Variants in ZBTB7C observed in about 807,000 individuals in gnomAD.
ZBTB7C encodes the protein zinc finger and BTB domain-containing protein 7C.
A neutral mutation model predicts 25.7 loss-of-function variants in ZBTB7C; 8 were observed. That is an observed-to-expected ratio of 0.31 (90% CI 0.18 to 0.56). The LOEUF is 0.56. Ranked by LOEUF, ZBTB7C falls within the 20% of genes least tolerant of loss-of-function variation. ZBTB7C has a pLI of 0.91. For synonymous variants in ZBTB7C, 394 were observed against 369.0 expected (o/e 1.07, Z -0.78); for missense variants, 824 against 855.2 (o/e 0.96, Z 0.46).
chr18:48,111,303 G>A (rs1043987935), intron 3 of ZBTB7C, among the ~76,000 whole-genome samples: 1 of 152,170 alleles, frequency 6.6e-6, no homozygotes, highest in African/African-American at 2.4e-5. Context: ...AATAAGAAAA[G>A]GAATGCTTGG....
intron 1 of ZBTB7C, among the ~76,000 whole-genome samples, chr18:48,358,121 C>T (rs1231429073): frequency 1.3e-5 from 2 of 152,128 alleles, no homozygotes; most frequent in African/African-American, 4.8e-5. Flanking sequence ...GAGGCCGAGG[C>T]GGGTGGATCA....
chr18:48,113,296 T>A (rs913797951), intron 3 of ZBTB7C, among the ~76,000 whole-genome samples: 9 of 152,364 alleles, frequency 5.9e-5, no homozygotes, highest in African/African-American at 1.9e-4. Context: ...TCTGTCTTTC[T>A]TGTATGGTTA....
intron 2 of ZBTB7C, among the ~76,000 whole-genome samples, chr18:48,277,665 G>A (rs1002375876): frequency 3.3e-5 from 5 of 152,232 alleles, no homozygotes; most frequent in African/African-American, 1.2e-4. Context: ...ACACCAAAAT[G>A]TGGGAAACGG....
intron 3 of ZBTB7C, among the ~76,000 whole-genome samples, chr18:48,085,210 T>C (rs1745318845): frequency 6.6e-6 from 1 of 152,052 alleles, no homozygotes; most frequent in Non-Finnish European, 1.5e-5. Context: ...CAAGGGGCCT[T>C]AGGCTCTGTC....
intron 1 of ZBTB7C, among the ~76,000 whole-genome samples, chr18:48,381,426 A>G (rs1445441390): frequency 1.3e-5 from 2 of 152,230 alleles, no homozygotes; most frequent in Non-Finnish European, 2.9e-5. Flanking sequence ...CAGAGGTTGA[A>G]GTAGTAATAA....
intron 1 of ZBTB7C, among the ~76,000 whole-genome samples, chr18:48,349,064 G>A (rs2046804885): frequency 6.6e-6 from 1 of 152,172 alleles, no homozygotes; most frequent in Middle Eastern, 3.2e-3. Context: ...AGCACAGTAG[G>A]GGCCACAGGG....
chr18:48,097,762 G>A (rs2038692080), intron 3 of ZBTB7C, among the ~76,000 whole-genome samples: 1 of 152,158 alleles, frequency 6.6e-6, no homozygotes, highest in Admixed American at 6.5e-5. Flanking sequence ...TCTCTCACAA[G>A]GTCTGGCTGT....
intron 2 of ZBTB7C, among the ~76,000 whole-genome samples, chr18:48,310,452 C>T (rs2045789666): frequency 6.6e-6 from 1 of 151,726 alleles, no homozygotes; most frequent in Non-Finnish European, 1.5e-5. Context: ...AAACTACGTC[C>T]AAGACTTCCA....
At chr18:48,209,761 A>G (rs2042661064) in intron 2 of ZBTB7C, among the ~76,000 whole-genome samples, 1 of 152,182 alleles carries the variant, frequency 6.6e-6, no homozygotes, top group South Asian at 2.1e-4. Flanking sequence ...TCTCTTAAAA[A>G]AAAAAAAAAT....
chr18:48,281,968 C>A (rs2044867265), intron 2 of ZBTB7C, among the ~76,000 whole-genome samples: 2 of 145,090 alleles, frequency 1.4e-5, no homozygotes, highest in South Asian at 4.6e-4. Flanking sequence ...TGGGTATATA[C>A]CCAAAGGACT....
At chr18:48,359,200 C>T (rs1158991653) in intron 1 of ZBTB7C, among the ~76,000 whole-genome samples, 1 of 152,190 alleles carries the variant, frequency 6.6e-6, no homozygotes, top group East Asian at 1.9e-4. Flanking sequence ...CCATCACCCC[C>T]ATGAACTCAC....
chr18:48,173,170 C>CCCTTAAA (rs2041550048), intron 3 of ZBTB7C, among the ~76,000 whole-genome samples: 8 of 152,212 alleles, frequency 5.3e-5, no homozygotes, highest in Admixed American at 1.3e-4. Context: ...TTGAACAGTT[C>CCCTTAAA]TGCTGTTAGA....
At chr18:48,226,583 G>A (rs2043100527) in intron 2 of ZBTB7C, among the ~76,000 whole-genome samples, 1 of 152,284 alleles carries the variant, frequency 6.6e-6, no homozygotes, top group African/African-American at 2.4e-5. Context: ...GCACCTGGGG[G>A]TAAAATATGC....
At chr18:48,409,711 G>A (rs1268137624), upstream of ZBTB7C, among the ~76,000 whole-genome samples, 12 of 152,086 alleles carry the variant, frequency 7.9e-5, no homozygotes, top group Non-Finnish European at 1.8e-4. Flanking sequence ...GAGGCTGCGG[G>A]CGGGAGTCAG....
chr18:48,226,489 G>A (rs941173131), intron 2 of ZBTB7C, among the ~76,000 whole-genome samples: 3 of 152,224 alleles, frequency 2.0e-5, no homozygotes, highest in African/African-American at 7.2e-5. Context: ...GACTGTAGAG[G>A]TATTTAAGGC....
chr18:48,154,055 A>G (rs1357622838), intron 3 of ZBTB7C, among the ~76,000 whole-genome samples: 1 of 152,220 alleles, frequency 6.6e-6, no homozygotes, highest in Non-Finnish European at 1.5e-5. Flanking sequence ...CAAAGGCCAC[A>G]GCTGGATGCA....
In ZBTB7C at chr18:48,340,137, T is replaced by C. The variant is rs1175776225; in HGVS notation, c.-303-1739A>G. 3.9e-5 allele frequency among the ~76,000 whole-genome samples: 6 copies of C among 152,372 alleles called. No individual in the cohort carries two copies. In the East Asian group the frequency reaches 9.6e-4, roughly 24 times the overall value. ...TTTGACGAAAGATCTCAGTTGCTCC[T>C]GGACAATGGGATTCTCTGCTTGATT... On this transcript the variant is annotated intron_variant, in intron 1 of 4. Transcript: ENST00000590800.
At chr18:48,203,746 C>T (rs1255991661) in intron 2 of ZBTB7C, 1 of 152,234 alleles carries the variant, frequency 6.6e-6, no homozygotes, top group Non-Finnish European at 1.5e-5. Flanking sequence ...TTAAATGATT[C>T]CTGAAGCAGG....
Position 48,045,304 on chromosome 18 carries a change from C to T in ZBTB7C, c.-16-4181G>A, listed in dbSNP as rs144792901. Among the ~76,000 whole-genome samples the T allele has an allele frequency of 1.3e-3, 201 of 152,338 alleles. 2 individuals are homozygous for T. Among genetic ancestry groups the T allele is most frequent in the African/African-American group, 4.6e-3 (190 of 41,588 alleles). ...TTGGAGAGGGGTCCTCTCCCTTGCT[C>T]GCTCCCCAGACAGCCTCCCCTACTC... On this transcript the variant is annotated intron_variant, in intron 3 of 4. Transcript: ENST00000590800.
Sources: allele counts gnomAD v4.1 joint callset (sites outside exome capture counted in the v4.1 genomes callset), GRCh38; gene constraint gnomAD v4.1.1; transcripts MANE v1.5; gene names NCBI Gene and HGNC (gene_info 2026-07-23, HGNC 2026-07-21).